Variants in GNA15 observed in about 807,000 individuals in gnomAD.
The protein encoded by GNA15 is guanine nucleotide-binding protein subunit alpha-15.
GNA15 carries 23 observed loss-of-function variants against 40.1 expected under a neutral mutation model. That is an observed-to-expected ratio of 0.57 (90% CI 0.41 to 0.81). The LOEUF (loss-of-function observed/expected upper bound fraction) is 0.81. Ranked by LOEUF, GNA15 falls within the 40% of genes least tolerant of loss-of-function variation. The probability of loss-of-function intolerance (pLI) is 0.00; values close to 1 mark genes in which losing one functional copy is unlikely to be tolerated. For missense variants in GNA15, 522 were observed against 515.8 expected, an observed-to-expected ratio of 1.01 and a Z score of -0.12; for synonymous variants, 226 against 210.4, an observed-to-expected ratio of 1.07 and a Z score of -0.64.
Position 3,136,964 on chromosome 19 carries a change from A to G in GNA15, c.145+369A>G, listed in dbSNP as rs399204. Among the ~76,000 whole-genome samples, 94,516 of 151,950 alleles carry G rather than the reference A, an allele frequency of 0.62. 29,564 individuals are homozygous for G. The highest frequency in any genetic ancestry group is 0.68 in the Admixed American group (10,364 of 15,270). ...GTGTGCAACCCGTTCTGGCCAGCCC[A>G]CCCGTAAGGGAGGGGCCGGCTCCAG... is the stretch of plus-strand genomic sequence containing the variant. On this transcript the variant is annotated intron_variant, in intron 1 of 6. Coordinates refer to ENST00000262958, the MANE Select transcript of GNA15 (RefSeq NM_002068.4). The surrounding 1 kb of genome is among the most constrained non-coding windows in gnomAD (Gnocchi z 4.9).
At chr19:3,137,026 C>T (rs1443078494) in intron 1 of GNA15, among the ~76,000 whole-genome samples, 1 of 152,246 alleles carries the variant, frequency 6.6e-6, no homozygotes, top group East Asian at 1.9e-4. Context: ...TCGCCTTTAC[C>T]TCCCTGCCAT....
intron 1 of GNA15, among the ~76,000 whole-genome samples, chr19:3,141,107 G>A (rs1914566777): frequency 6.6e-6 from 1 of 151,080 alleles, no homozygotes; most frequent in Admixed American, 6.6e-5. Context: ...CAGGGTGGGG[G>A]TGGGTCTGTC....
At chr19:3,154,702 G>C (rs961753913) in intron 4 of GNA15, among the ~76,000 whole-genome samples, 9 of 149,986 alleles carry the variant, frequency 6.0e-5, no homozygotes, top group African/African-American at 2.2e-4. Context: ...TAGATGGATG[G>C]ATGAGTGAAT....
chr19:3,154,116 G>C (rs1285106255), intron 4 of GNA15, among the ~76,000 whole-genome samples: 1 of 150,162 alleles, frequency 6.7e-6, no homozygotes, highest in Non-Finnish European at 1.5e-5. Context: ...GGATGGATGA[G>C]TGAATGAATA....
At chr19:3,156,202 A>T (rs372621466) in intron 5 of GNA15, among the ~76,000 whole-genome samples, 97 of 143,340 alleles carry the variant, frequency 6.8e-4, no homozygotes, top group East Asian at 1.6e-3. Context: ...ACACACACAC[A>T]CTACAGTGCA....
In GNA15 at chr19:3,163,107, CTCCAG is replaced by C; in HGVS notation, c.*89_*93del. On this transcript the variant is annotated 3_prime_UTR_variant, in exon 7 of 7. Coordinates refer to ENST00000262958, the MANE Select transcript of GNA15 (RefSeq NM_002068.4). ...GACCCCTAGTGTCCCTGGTCTATCTCTCCAGCCTCGGCCCACACGCAAGGGAGTCG... is the reference window on the plus strand; with the variant it reads ...GACCCCTAGTGTCCCTGGTCTATCTCCCTCGGCCCACACGCAAGGGAGTCG... 1 of 831,514 alleles carries C rather than the reference CTCCAG, an allele frequency of 1.2e-6. No individual in the cohort carries two copies. Among genetic ancestry groups the C allele is most frequent in the South Asian group, 1.5e-5 (1 of 68,310 alleles). The allele number at this position is 831,514 out of a possible 1,614,324, so 51.5% of individuals were successfully genotyped here.
At chr19:3,144,942 C>T (rs1462667557) in intron 1 of GNA15, among the ~76,000 whole-genome samples, 1 of 151,916 alleles carries the variant, frequency 6.6e-6, no homozygotes, top group Non-Finnish European at 1.5e-5. Context: ...AATTCTCCTG[C>T]CTCAGCCTCC....
chr19:3,148,727 C>T lies in GNA15; in HGVS notation c.282C>T (p.Ile94=). 1 of 1,603,764 alleles carries T rather than the reference C, an allele frequency of 6.2e-7. No homozygotes were observed. The highest frequency in any genetic ancestry group is 8.5e-7 in the Non-Finnish European group (1 of 1,175,634). The change falls in exon 2 of 7, where the codon ATC becomes ATT. Residue 94 remains isoleucine, a synonymous_variant. Coordinates refer to ENST00000262958, the MANE Select transcript of GNA15 (RefSeq NM_002068.4). ...TCTTCGTGTCCATGCGGGCCATGAT[C>T]GAGGCCATGGAGCGGCTGCAGATTC... ...QNIFVSMRAM[I]EAMERLQIPF... is the part of the protein sequence containing the mutation.
chr19:3,136,486 G>C lies in GNA15; in HGVS notation c.36G>C (p.Trp12Cys), dbSNP rs1474389894. The C allele has an allele frequency of 1.3e-6, 2 of 1,555,036 alleles. No individual in the cohort carries two copies. Among genetic ancestry groups the C allele is most frequent in the Middle Eastern group, 2.2e-4 (1 of 4,566 alleles). ...CGCTGACCTGGCGCTGCTGCCCCTG[G>C]TGCCTGACGGAGGATGAGAAGGCCG... ...ARSLTWRCCP[W>C]CLTEDEKAAA... Residue 12 changes from tryptophan to cysteine, a missense_variant, in exon 1 of 7, where the codon TGG becomes TGC. Transcript: ENST00000262958. The surrounding 1 kb of genome is among the most constrained non-coding windows in gnomAD (Gnocchi z 4.9).
At chr19:3,140,559 C>T (rs946793587) in intron 1 of GNA15, among the ~76,000 whole-genome samples, 1 of 152,098 alleles carries the variant, frequency 6.6e-6, no homozygotes, top group African/African-American at 2.4e-5. Context: ...TCTCCTTCCC[C>T]TTACTCTGTT....
chr19:3,162,701 C>A, intron 6 of GNA15, 92 bp from the exon 7 acceptor site: 2 of 772,108 alleles, frequency 2.6e-6, no homozygotes, highest in South Asian at 1.5e-5. Flanking sequence ...CCCTGGGTCC[C>A]TTCAGTGCTG....
At chr19:3,160,158 C>T (rs1186729783) in intron 6 of GNA15, among the ~76,000 whole-genome samples, 1 of 152,204 alleles carries the variant, frequency 6.6e-6, no homozygotes, top group East Asian at 1.9e-4. Flanking sequence ...CATGTGACAT[C>T]AGCTGGGCTC....
At chr19:3,147,281 G>A (rs565163322) in intron 1 of GNA15, among the ~76,000 whole-genome samples, 10 of 152,282 alleles carry the variant, frequency 6.6e-5, no homozygotes, top group Non-Finnish European at 1.2e-4. Flanking sequence ...GGCCAGGCAC[G>A]GTGGCTCACG....
chr19:3,140,063 C>CTATCTATG (rs1914545920), intron 1 of GNA15, among the ~76,000 whole-genome samples: 3 of 151,060 alleles, frequency 2.0e-5, no homozygotes, highest in Admixed American at 6.6e-5. Context: ...ATCTATCTAT[C>CTATCTATG]TATCTATCTA....
In GNA15 at chr19:3,156,080, T is replaced by C. The variant is rs546778624; in HGVS notation, c.744+128T>C. On this transcript the variant is annotated intron_variant, in intron 5 of 6. Coordinates refer to ENST00000262958, the MANE Select transcript of GNA15 (RefSeq NM_002068.4). ...GGCCTGTGTGTGCCCAGCATGGCTA[T>C]GAACTTGACCCTTCAGCCTTTTGTG... 19 of 851,168 alleles carry C rather than the reference T, an allele frequency of 2.2e-5. No homozygotes were observed. In the African/African-American group the frequency reaches 2.6e-4, roughly 11 times the overall value. The allele number at this position is 851,168 out of a possible 1,614,324, so 52.7% of individuals were successfully genotyped here.
chr19:3,157,650 G>A, intron 5 of GNA15, 78 bp from the exon 6 acceptor site: 2 of 1,334,158 alleles, frequency 1.5e-6, no homozygotes, highest in East Asian at 2.3e-5. Flanking sequence ...GGAGCCAACA[G>A]CCCCGTCTCC....
Position 3,148,673 on chromosome 19 carries a change from G to A in GNA15, c.228G>A (p.Lys76=). The part of the protein sequence containing the change: ...HGAGYSEEER[K]GFRPLVYQNI... ...CCGGCTACTCGGAGGAGGAGCGCAA[G>A]GGCTTCCGGCCCCTGGTCTACCAGA... Residue 76 remains lysine (K), a synonymous_variant, in exon 2 of 7, where the codon AAG becomes AAA. Coordinates refer to ENST00000262958, the MANE Select transcript of GNA15 (RefSeq NM_002068.4). 6.3e-7 allele frequency: 1 copy of A among 1,594,584 alleles called. No homozygotes were observed. Among genetic ancestry groups the A allele is most frequent in the Non-Finnish European group, 8.5e-7 (1 of 1,170,928 alleles).
At chr19:3,140,647 G>A (rs948578746) in intron 1 of GNA15, among the ~76,000 whole-genome samples, 3 of 152,196 alleles carry the variant, frequency 2.0e-5, no homozygotes, top group Non-Finnish European at 2.9e-5. Flanking sequence ...AGCAACAAAA[G>A]GGTAGGGACC....
intron 1 of GNA15, among the ~76,000 whole-genome samples, chr19:3,147,423 C>T (rs12463033): frequency 0.66 from 99,359 of 151,430 alleles, 32,779 homozygotes; most frequent in East Asian, 0.75. Flanking sequence ...CGTGGTGGCA[C>T]GCGCCTGTTA....
Sources: gnomAD v4.1 joint callset for allele counts (sites outside exome capture counted in the v4.1 genomes callset) on GRCh38, gnomAD v4.1.1 for gene constraint, Gnocchi (gnomAD v3.1) non-coding constraint, MANE v1.5 for transcripts, NCBI Gene and HGNC (gene_info 2026-07-23, HGNC 2026-07-21) for gene names.